DNAH14: variants seen among roughly 807,000 people sequenced by gnomAD.
The protein encoded by DNAH14 is axonemal beta dynein heavy chain 14.
A neutral mutation model predicts 520.9 loss-of-function variants in DNAH14; 478 were observed. That is an observed-to-expected ratio of 0.92 (90% CI 0.85 to 0.99). The LOEUF (loss-of-function observed/expected upper bound fraction) is 0.99, where lower values mean the gene tolerates loss of function less well. Among genes scored for constraint, DNAH14 ranks in the 50% least tolerant of loss-of-function variants. The pLI is 0.00. For synonymous variants in DNAH14, 1,581 were observed against 1,757.2 expected, an observed-to-expected ratio of 0.90 and a Z score of 2.51; for missense variants, 4,831 against 5,234.5, an observed-to-expected ratio of 0.92 and a Z score of 2.38.
At position 225,159,329 on chromosome 1, in the gene DNAH14, T is replaced by A; in HGVS notation, c.5289T>A (p.Ser1763Arg). The A allele has an allele frequency of 6.4e-7, 1 of 1,551,244 alleles. No homozygotes were observed. The highest frequency in any genetic ancestry group is 1.4e-5 in the African/African-American group (1 of 73,122). The change falls in exon 35 of 86, where the codon AGT becomes AGA. Residue 1763 changes from serine to arginine, a missense_variant. Coordinates refer to ENST00000682510, the MANE Select transcript of DNAH14 (RefSeq NM_001367479.1). ...KREFKCDTSDSLSEADETLIV... is the reference protein window; with the variant it reads ...KREFKCDTSDRLSEADETLIV... Reference sequence around the variant, plus strand: ...ACCATTGAAGTGATACCAGTGACAGTCTTTCTGAAGCAGATGAAACCTTGA... The same window carrying A: ...ACCATTGAAGTGATACCAGTGACAGACTTTCTGAAGCAGATGAAACCTTGA...
At chr1:225,364,942 T>G (rs892262759) in intron 76 of DNAH14, 48 bp downstream of exon 76, 1 of 1,302,962 alleles carries the variant, frequency 7.7e-7, no homozygotes, top group Non-Finnish European at 1.1e-6. Flanking sequence ...GAGCCCTGTT[T>G]GAATGCAAGT....
intron 23 of DNAH14, among the ~76,000 whole-genome samples, chr1:225,117,181 T>C (rs974835238): frequency 2.0e-5 from 3 of 152,030 alleles, no homozygotes; most frequent in Non-Finnish European, 2.9e-5. Flanking sequence ...CTCTAAGTTA[T>C]AGAAAGGAGT....
chr1:224,947,672 AT>A (rs1189410476), intron 1 of DNAH14, among the ~76,000 whole-genome samples: 1 of 152,100 alleles, frequency 6.6e-6, no homozygotes. Flanking sequence ...GTTTTCTAGT[AT>A]AAGCATTTTA....
Position 225,141,034 on chromosome 1 carries a change from A to G in DNAH14, c.4508+13A>G, listed in dbSNP as rs1309794392. The G allele has an allele frequency of 5.2e-6, 8 of 1,524,336 alleles. No individual in the cohort carries two copies. The South Asian group carries it at 7.5e-5, about 14-fold the overall frequency. The allele number at this position is 1,524,336 out of a possible 1,614,324, so 94.4% of individuals were successfully genotyped here. A position where few individuals can be genotyped will look rare whatever the true frequency, so the allele number is the denominator to read the frequency against. The stretch of plus-strand genomic sequence containing the variant: ...TTGAGTGGACAAGGTAGGTGGATCT[A>G]AATTATAACTACATACAATAACTTC... On this transcript the variant is annotated intron_variant, in intron 28 of 85. Transcript: ENST00000682510.
In DNAH14 at chr1:225,192,916, G is replaced by T. The variant is rs754480139; in HGVS notation, c.5886+5G>T. The T allele has an allele frequency of 2.1e-5, 32 of 1,535,574 alleles. No individual in the cohort carries two copies. The East Asian group carries it at 7.9e-4, about 38-fold the overall frequency. On this transcript the variant is annotated splice_donor_5th_base_variant and intron_variant, in intron 38 of 85. Coordinates refer to ENST00000682510, the MANE Select transcript of DNAH14 (RefSeq NM_001367479.1). ...AGAATCTCAGATTTATCCAATGTAAGTTTAGTATTGAATGAATGTTTTTAT... is the reference window on the plus strand; with the variant it reads ...AGAATCTCAGATTTATCCAATGTAATTTTAGTATTGAATGAATGTTTTTAT...
chr1:224,952,875 A>C, intron 2 of DNAH14, 96 bp downstream of exon 2: 1 of 807,186 alleles, frequency 1.2e-6, no homozygotes, highest in Non-Finnish European at 1.8e-6. Context: ...AAAGACTTAA[A>C]ATATCTTATC....
rs537613160 is a variant in DNAH14, at chr1:224,963,947, C to T, written c.368-532C>T. Among the ~76,000 whole-genome samples, 4 of 152,160 alleles carry T rather than the reference C, an allele frequency of 2.6e-5. No individual in the cohort carries two copies. In the South Asian group the frequency reaches 8.3e-4, roughly 32 times the overall value. On this transcript the variant is annotated intron_variant, in intron 4 of 85. Transcript: ENST00000682510. Reference sequence around the variant, plus strand: ...TATGCTTCTCTTTCCATGATTTGTTCTATCAAGAAAGGAAGTTTAAGGGCC... The same window carrying T: ...TATGCTTCTCTTTCCATGATTTGTTTTATCAAGAAAGGAAGTTTAAGGGCC...
intron 11 of DNAH14, among the ~76,000 whole-genome samples, chr1:225,034,369 T>C (rs2066773738): frequency 6.6e-6 from 1 of 152,190 alleles, no homozygotes; most frequent in Non-Finnish European, 1.5e-5. Context: ...ATTTATTGAT[T>C]TGTGTATGTT....
At chr1:225,335,872 CAT>C (rs1491569681) in intron 66 of DNAH14, among the ~76,000 whole-genome samples, 2 of 72,144 alleles carry the variant, frequency 2.8e-5, no homozygotes, top group Non-Finnish European at 5.5e-5. Flanking sequence ...TGTACATACA[CAT>C]ATACATATAT....
chr1:225,177,062 T>G (rs2083411579), intron 36 of DNAH14, among the ~76,000 whole-genome samples: 1 of 152,144 alleles, frequency 6.6e-6, no homozygotes, highest in Admixed American at 6.6e-5. Flanking sequence ...GTTGAATGGC[T>G]TTGATCAAAA....
intron 10 of DNAH14, among the ~76,000 whole-genome samples, chr1:225,015,807 TCAC>T (rs1001793664): frequency 5.9e-5 from 9 of 152,168 alleles, no homozygotes; most frequent in African/African-American, 1.9e-4. Flanking sequence ...TATGGAGGAT[TCAC>T]CACCAGAGTG....
chr1:224,957,695 T>G (rs1397172292), intron 3 of DNAH14, among the ~76,000 whole-genome samples: 2 of 152,032 alleles, frequency 1.3e-5, no homozygotes, highest in Non-Finnish European at 1.5e-5. Flanking sequence ...ATAACACTGG[T>G]AAGTAACATG....
chr1:225,307,362 T>G, intron 58 of DNAH14, 99 bp from the exon 59 acceptor site: 1 of 816,476 alleles, frequency 1.2e-6, no homozygotes, highest in Non-Finnish European at 1.9e-6. Flanking sequence ...TAAAATCCAT[T>G]TGGCCATAAT....
In DNAH14 at chr1:225,296,670, A is replaced by G. The variant is rs998301574; in HGVS notation, c.8470-4199A>G. Reference sequence around the variant, plus strand: ...TCCCTTGAGCATTTCTTGTAAGGCTACGCTAGGGGTGATGAATTCCCTCAG... The same window carrying G: ...TCCCTTGAGCATTTCTTGTAAGGCTGCGCTAGGGGTGATGAATTCCCTCAG... On this transcript the variant is annotated intron_variant, in intron 55 of 85. Coordinates refer to ENST00000682510, the MANE Select transcript of DNAH14 (RefSeq NM_001367479.1). Among the ~76,000 whole-genome samples the G allele has an allele frequency of 2.0e-5, 3 of 152,250 alleles. No individual in the cohort carries two copies. The East Asian group carries it at 5.8e-4, about 29-fold the overall frequency.
chr1:225,042,136 A>T (rs1157115849), intron 12 of DNAH14, among the ~76,000 whole-genome samples: 1 of 152,176 alleles, frequency 6.6e-6, no homozygotes, highest in Non-Finnish European at 1.5e-5. Context: ...TAACTGCCTT[A>T]ATTTGTTAAT....
At chr1:224,998,757 A>G (rs528337078) in intron 8 of DNAH14, among the ~76,000 whole-genome samples, 7 of 152,254 alleles carry the variant, frequency 4.6e-5, no homozygotes, top group African/African-American at 1.7e-4. Flanking sequence ...GGAGTATTCT[A>G]TAACACTGCT....
chr1:224,988,207 C>T (rs2062783595), intron 8 of DNAH14, among the ~76,000 whole-genome samples: 1 of 152,118 alleles, frequency 6.6e-6, no homozygotes, highest in Non-Finnish European at 1.5e-5. Context: ...CAGCTCCATC[C>T]ATGTCCCTGC....
At position 225,389,778 on chromosome 1, in the gene DNAH14, C is replaced by G; in HGVS notation, c.13235C>G (p.Thr4412Ser). 2 of 1,552,236 alleles carry G rather than the reference C, an allele frequency of 1.3e-6. No homozygotes were observed. Among genetic ancestry groups the G allele is most frequent in the Non-Finnish European group, 8.7e-7 (1 of 1,147,100 alleles). The change falls in exon 83 of 86, where the codon ACT becomes AGT. Residue 4412 changes from threonine (T) to serine (S), a missense_variant. Coordinates refer to ENST00000682510, the MANE Select transcript of DNAH14 (RefSeq NM_001367479.1). The part of the protein sequence containing the change: ...VTVWKQSIPS[T>S]SQKCKHPEDS... The stretch of plus-strand genomic sequence containing the variant: ...GTTTGGAAGCAGTCTATTCCATCAA[C>G]TAGCCAAAAATGCAAACACCCTGAG...
chr1:224,982,316 CTGG>C (rs2062331903), intron 8 of DNAH14, among the ~76,000 whole-genome samples: 1 of 152,208 alleles, frequency 6.6e-6, no homozygotes, highest in Non-Finnish European at 1.5e-5. Context: ...TGACACTCAG[CTGG>C]ACTGGCAAAG....
Sources: allele counts gnomAD v4.1 joint callset (sites outside exome capture counted in the v4.1 genomes callset), GRCh38; gene constraint gnomAD v4.1.1; transcripts MANE v1.5; gene names NCBI Gene and HGNC (gene_info 2026-07-23, HGNC 2026-07-21).